CHMP2A: variants seen among roughly 807,000 people sequenced by gnomAD.
CHMP2A encodes the protein VPS2 homolog A.
In CHMP2A, 6 loss-of-function variants were observed where a neutral mutation model predicts 21.8. The ratio of observed to expected loss-of-function variants is 0.28; its 90% CI spans 0.15 to 0.54. The LOEUF is 0.54. Among genes scored for constraint, CHMP2A ranks in the 20% least tolerant of loss-of-function variants. CHMP2A has a pLI of 0.95. For synonymous variants in CHMP2A, 125 were observed against 107.0 expected (o/e 1.17, Z -1.04); for missense variants, 303 against 293.9 (o/e 1.03, Z -0.23).
intron 3 of CHMP2A, 22 bp from the exon 4 acceptor site, chr19:58,552,207 G>C: frequency 6.2e-7 from 1 of 1,614,192 alleles, no homozygotes; most frequent in Non-Finnish European, 8.5e-7. Flanking sequence ...AGGAGTGTGA[G>C]TGTGATCCCC....
At chr19:58,551,882 G>A in intron 5 of CHMP2A, 24 bp downstream of exon 5, 1 of 1,614,080 alleles carries the variant, frequency 6.2e-7, no homozygotes, top group African/African-American at 1.3e-5. Context: ...GTGGGAAATG[G>A]GGTCCAGGAT....
intron 2 of CHMP2A, 41 bp from the exon 3 acceptor site, chr19:58,552,479 T>C (rs777967549): frequency 1.3e-6 from 2 of 1,585,882 alleles, no homozygotes; most frequent in African/African-American, 1.3e-5. Flanking sequence ...AGGAATGAGA[T>C]TATCCTACAC....
At chr19:58,552,219 T>C (rs2053838488) in intron 3 of CHMP2A, 34 bp from the exon 4 acceptor site, 1 of 1,614,162 alleles carries the variant, frequency 6.2e-7, no homozygotes, top group South Asian at 1.1e-5. Context: ...GTGATCCCCA[T>C]GGGTCGTGGG....
Position 58,554,029 on chromosome 19 carries a change from G to T in CHMP2A, c.168+16C>A. ...GTGCCTGATTGACAGCAACCTGCCCGACCACCCACACTCACCATCTGGCCT... is the reference window on the plus strand; with the variant it reads ...GTGCCTGATTGACAGCAACCTGCCCTACCACCCACACTCACCATCTGGCCT... On this transcript the variant is annotated intron_variant, in intron 2 of 5. Coordinates refer to ENST00000312547, the MANE Select transcript of CHMP2A (RefSeq NM_014453.4). 4 of 1,612,720 alleles carry T rather than the reference G, an allele frequency of 2.5e-6. No individual in the cohort carries two copies. Among genetic ancestry groups the T allele is most frequent in the South Asian group, 2.2e-5 (2 of 90,978 alleles).
In CHMP2A at chr19:58,551,748, A is replaced by G. The variant is rs1398968015; in HGVS notation, c.570T>C (p.Ser190=). The G allele has an allele frequency of 3.7e-6, 6 of 1,614,060 alleles. No homozygotes were observed. The highest frequency in any genetic ancestry group is 1.6e-4 in the Middle Eastern group (1 of 6,062). The change falls in exon 6 of 6, where the codon AGT becomes AGC. Residue 190 remains serine, a synonymous_variant. Transcript: ENST00000312547. The part of the protein sequence containing the change: ...SNLPSTGGSL[S]VAAGGKKAEA... ...CTGCTTTTTTCCCACCAGCAGCCACACTAAGCGAGCCCCCAGTTGAGGGGA... is the reference window on the plus strand; with the variant it reads ...CTGCTTTTTTCCCACCAGCAGCCACGCTAAGCGAGCCCCCAGTTGAGGGGA...
intron 2 of CHMP2A, among the ~76,000 whole-genome samples, chr19:58,552,964 T>TCA (rs896018124): frequency 7.2e-5 from 11 of 152,116 alleles, no homozygotes; most frequent in African/African-American, 2.7e-4. Context: ...CAAAACCCTC[T>TCA]CACCCATCAA....
chr19:58,552,021 A>G, intron 4 of CHMP2A, 34 bp downstream of exon 4: 3 of 1,614,118 alleles, frequency 1.9e-6, no homozygotes, highest in Non-Finnish European at 2.5e-6. Context: ...GGGCCAGGCA[A>G]ACATCTCCAC....
intron 2 of CHMP2A, 93 bp from the exon 3 acceptor site, chr19:58,552,531 C>A (rs2053844628): frequency 2.4e-6 from 3 of 1,261,048 alleles, no homozygotes; most frequent in African/African-American, 3.0e-5. Context: ...CCCACCAGCC[C>A]AATTTGCAAT....
At chr19:58,554,463 T>G in intron 1 of CHMP2A, 1 of 489,288 alleles carries the variant, frequency 2.0e-6, no homozygotes, top group Non-Finnish European at 3.6e-6. Flanking sequence ...GAGCCCCTCC[T>G]TCATCGCCAT....
chr19:58,552,934 C>T (rs1469440167), intron 2 of CHMP2A, among the ~76,000 whole-genome samples: 10 of 152,230 alleles, frequency 6.6e-5, no homozygotes. Context: ...ATGGTATCTT[C>T]TCTGCCTACC....
At chr19:58,553,207 A>G (rs953859147) in intron 2 of CHMP2A, among the ~76,000 whole-genome samples, 1 of 151,664 alleles carries the variant, frequency 6.6e-6, no homozygotes, top group Non-Finnish European at 1.5e-5. Context: ...ACAAGTATGC[A>G]CCACCATGCC....
rs757225419 is a variant in CHMP2A at position 58,554,243 on chromosome 19, C to T, written c.-24-7G>A. 2 of 1,596,566 alleles carry T rather than the reference C, an allele frequency of 1.3e-6. No individual in the cohort carries two copies. Among genetic ancestry groups the T allele is most frequent in the Admixed American group, 1.7e-5 (1 of 57,414 alleles). On this transcript the variant is annotated splice_region_variant and splice_polypyrimidine_tract_variant and intron_variant, in intron 1 of 5. Coordinates refer to ENST00000312547, the MANE Select transcript of CHMP2A (RefSeq NM_014453.4). ...TAGAAGCTCACTGGCAGGCCTGAGA[C>T]AGATGTGAGTGAGGCCCAGTTGTAG...
At chr19:58,554,822 ACAGT>A (rs2053874448) in intron 1 of CHMP2A, 162 bp downstream of exon 1, 1 of 152,548 alleles carries the variant, frequency 6.6e-6, no homozygotes, top group Non-Finnish European at 1.5e-5. Flanking sequence ...TACACCGAGG[ACAGT>A]CAGTGGGCCC....
Position 58,552,092 on chromosome 19 carries a change from C to T in CHMP2A, c.442G>A (p.Asp148Asn). 1.2e-6 allele frequency: 2 copies of T among 1,614,142 alleles called. No individual in the cohort carries two copies. The highest frequency in any genetic ancestry group is 1.3e-5 in the African/African-American group (1 of 75,038). ...MKEEMMNDAI[D>N]DAMGDEEDEE... ...TCTTCCTCATCACCCATGGCATCAT[C>T]AATGGCATCATTCATCATCTCCTCC... Residue 148 changes from aspartate (D) to asparagine (N), a missense_variant, in exon 4 of 6, where the codon GAT becomes AAT. Physicochemically the swap from Asp to Asn is conservative, Grantham distance 23 (BLOSUM62 1). Transcript: ENST00000312547.
At chr19:58,552,019 C>G (rs368807466) in intron 4 of CHMP2A, 36 bp downstream of exon 4, 117 of 1,614,064 alleles carry the variant, frequency 7.2e-5, no homozygotes, top group Middle Eastern at 4.9e-4. Flanking sequence ...GAGGGCCAGG[C>G]AAACATCTCC....
At chr19:58,551,808 G>A (rs1029393879) in intron 5 of CHMP2A, 32 bp from the exon 6 acceptor site, 6 of 1,613,952 alleles carry the variant, frequency 3.7e-6, no homozygotes, top group Non-Finnish European at 5.1e-6. Flanking sequence ...GAGCAGGTGG[G>A]GTCAGGCAGC....
At position 58,552,319 on chromosome 19, in the gene CHMP2A, G is replaced by C; in HGVS notation, c.288C>G (p.Asn96Lys). ...VSLKIQTLKS[N>K]NSMAQAMKGV... ...CCTTCATGGCTTGTGCCATCGAGTT[G>C]TTGGACTTGAGTGTCTGGATCTTGA... The change falls in exon 3 of 6, where the codon AAC becomes AAG. Residue 96 changes from asparagine (N) to lysine (K), a missense_variant. By Grantham distance (94) the Asn-to-Lys change is moderately conservative. Coordinates refer to ENST00000312547, the MANE Select transcript of CHMP2A (RefSeq NM_014453.4). 6.2e-7 allele frequency: 1 copy of C among 1,614,236 alleles called. No homozygotes were observed. The highest frequency in any genetic ancestry group is 8.5e-7 in the Non-Finnish European group (1 of 1,180,050).
rs967402112 is a variant in CHMP2A, at chr19:58,552,556, C to G, written c.169-118G>C. 13 of 1,010,356 alleles carry G rather than the reference C, an allele frequency of 1.3e-5. No homozygotes were observed. In the South Asian group the frequency reaches 2.0e-4, roughly 16 times the overall value. 62.6% of individuals were successfully genotyped at this position (1,010,356 alleles called of 1,614,324 possible). ...CAATTTGCAATTCCACTTGAAGTTT[C>G]CAGAGACTCTGGCTAACCCAATGGT... is the stretch of plus-strand genomic sequence containing the variant. On this transcript the variant is annotated intron_variant, in intron 2 of 5. Transcript: ENST00000312547.
intron 2 of CHMP2A, 125 bp from the exon 3 acceptor site, chr19:58,552,563 C>A (rs940509288): frequency 3.2e-6 from 3 of 937,530 alleles, no homozygotes; most frequent in Non-Finnish European, 4.8e-6. Context: ...TTTCCAGAGA[C>A]TCTGGCTAAC....
Sources: gnomAD v4.1 joint callset for allele counts (sites outside exome capture counted in the v4.1 genomes callset) on GRCh38, gnomAD v4.1.1 for gene constraint, MANE v1.5 for transcripts, NCBI Gene and HGNC (gene_info 2026-07-23, HGNC 2026-07-21) for gene names.